The following TEK variants were observed in gnomAD, a reference collection of about 807,000 sequenced individuals.
TEK encodes the protein angiopoietin-1 receptor.
A neutral mutation model predicts 131.8 loss-of-function variants in TEK; 43 were observed. The ratio of observed to expected loss-of-function variants is 0.33; its 90% CI spans 0.26 to 0.42. TEK has a LOEUF of 0.42. TEK is among the 10% of genes least tolerant of loss of function. TEK has a pLI of 1.00. For missense variants in TEK, 1,162 were observed against 1,384.4 expected, an observed-to-expected ratio of 0.84 and a Z score of 2.55; for synonymous variants, 580 against 491.6, an observed-to-expected ratio of 1.18 and a Z score of -2.38.
intron 4 of TEK, among the ~76,000 whole-genome samples, chr9:27,171,835 C>T (rs1198654524): frequency 6.6e-6 from 1 of 152,128 alleles, no homozygotes; most frequent in African/African-American, 2.4e-5. Flanking sequence ...AAGTGACATC[C>T]CCTTTTATTC....
chr9:27,209,156 G>A lies in TEK; in HGVS notation c.2611G>A (p.Gly871Arg). ...CAAAGATGATCACAGGGACTTTGCA[G>A]GAGAACTGGAAGTTCTTTGTAAACT... ...ASKDDHRDFAGELEVLCKLGH... is the reference protein window; with the variant it reads ...ASKDDHRDFARELEVLCKLGH... Residue 871 changes from glycine to arginine, a missense_variant, in exon 16 of 23, where the codon GGA becomes AGA. Coordinates refer to ENST00000380036, the MANE Select transcript of TEK (RefSeq NM_000459.5). 7.4e-6 allele frequency: 12 copies of A among 1,613,894 alleles called. No individual in the cohort carries two copies. The highest frequency in any genetic ancestry group is 1.0e-5 in the Non-Finnish European group (12 of 1,179,800).
intron 1 of TEK, among the ~76,000 whole-genome samples, chr9:27,148,980 T>A (rs1291317487): frequency 6.6e-6 from 1 of 152,220 alleles, no homozygotes; most frequent in Non-Finnish European, 1.5e-5. Context: ...ATGGCCAGAA[T>A]GTAAGCTTTT....
chr9:27,114,833 G>T (rs1254629546), intron 1 of TEK, among the ~76,000 whole-genome samples: 1 of 152,156 alleles, frequency 6.6e-6, no homozygotes, highest in Non-Finnish European at 1.5e-5. Context: ...TTGTATGATT[G>T]TTGAATATTA....
rs768915163 is a variant in TEK, at chr9:27,158,115, A to G, written c.337A>G (p.Ile113Val). The change falls in exon 2 of 23, where the codon ATA becomes GTA. Residue 113 changes from isoleucine to valine, a missense_variant. Transcript: ENST00000380036. ...EGRVRGEAIRIRTMKMRQQAS... is the reference protein window; with the variant it reads ...EGRVRGEAIRVRTMKMRQQAS... ...GCGAGTTCGAGGAGAGGCAATCAGG[A>G]TACGAACCATGAAGATGCGTCAACA... 5.9e-5 allele frequency: 96 copies of G among 1,614,202 alleles called. No homozygotes were observed. The highest frequency in any genetic ancestry group is 7.9e-5 in the Non-Finnish European group (93 of 1,180,024).
intron 1 of TEK, among the ~76,000 whole-genome samples, chr9:27,156,104 G>T (rs1019194124): frequency 1.3e-5 from 2 of 152,008 alleles, no homozygotes; most frequent in South Asian, 2.1e-4. Flanking sequence ...TGCCTGGCCC[G>T]CACTTTCATT....
intron 1 of TEK, among the ~76,000 whole-genome samples, chr9:27,119,749 C>G (rs1316648390): frequency 1.3e-5 from 2 of 152,178 alleles, no homozygotes; most frequent in Non-Finnish European, 2.9e-5. Flanking sequence ...GATGATCTGT[C>G]ATTTGAAGGT....
intron 18 of TEK, among the ~76,000 whole-genome samples, chr9:27,215,995 G>C (rs1243554677): frequency 6.6e-6 from 1 of 152,162 alleles, no homozygotes; most frequent in Non-Finnish European, 1.5e-5. Flanking sequence ...ACCCCTAGAG[G>C]AAAAGGAAAG....
intron 1 of TEK, among the ~76,000 whole-genome samples, chr9:27,156,751 GAT>G (rs1449728227): frequency 2.0e-5 from 3 of 152,126 alleles, no homozygotes; most frequent in Non-Finnish European, 2.9e-5. Flanking sequence ...TATTCAATAA[GAT>G]AACATGTAGC....
At chr9:27,182,048 G>C (rs1258745049) in intron 7 of TEK, among the ~76,000 whole-genome samples, 1 of 152,164 alleles carries the variant, frequency 6.6e-6, no homozygotes, top group African/African-American at 2.4e-5. Context: ...GCAGGAATCA[G>C]GGAGTGGTTA....
chr9:27,210,134 A>G (rs984946881), intron 16 of TEK, among the ~76,000 whole-genome samples: 6 of 152,258 alleles, frequency 3.9e-5, no homozygotes, highest in African/African-American at 1.4e-4. Flanking sequence ...CTATGATCCA[A>G]TAAGGGTGTA....
intron 1 of TEK, among the ~76,000 whole-genome samples, chr9:27,149,654 CA>C (rs1458023894): frequency 5.3e-5 from 8 of 152,280 alleles, no homozygotes; most frequent in African/African-American, 1.9e-4. Flanking sequence ...CCTCTTTGTG[CA>C]GGCAAGTCAG....
intron 12 of TEK, among the ~76,000 whole-genome samples, chr9:27,197,889 T>C (rs769763233): frequency 1.2e-4 from 18 of 152,156 alleles, no homozygotes; most frequent in Non-Finnish European, 1.8e-4. Context: ...GTTGAACCAT[T>C]TATGGGGTAG....
At chr9:27,190,739 A>G (rs760547963) in intron 10 of TEK, 49 bp downstream of exon 10, 1 of 1,609,554 alleles carries the variant, frequency 6.2e-7, no homozygotes, top group Admixed American at 1.7e-5. Context: ...GCACCAGGAG[A>G]ATTATTTTTC....
At chr9:27,182,695 T>C (rs1824432806) in intron 7 of TEK, among the ~76,000 whole-genome samples, 1 of 152,196 alleles carries the variant, frequency 6.6e-6, no homozygotes, top group African/African-American at 2.4e-5. Flanking sequence ...AGTCCACAGT[T>C]CCCTGAGTCC....
intron 6 of TEK, 72 bp downstream of exon 6, chr9:27,173,434 A>G (rs1564075980): frequency 8.8e-6 from 14 of 1,597,880 alleles, no homozygotes; most frequent in Admixed American, 6.7e-5. Context: ...TTTGCTGTCA[A>G]TCACAACATC....
intron 5 of TEK, 59 bp from the exon 6 acceptor site, chr9:27,173,163 T>A (rs1297520449): frequency 6.2e-7 from 1 of 1,601,752 alleles, no homozygotes; most frequent in Non-Finnish European, 8.5e-7. Flanking sequence ...TCTAAAGAAT[T>A]ATGTATTTCA....
intron 21 of TEK, among the ~76,000 whole-genome samples, chr9:27,225,123 G>C (rs1050204640): frequency 2.0e-5 from 3 of 152,136 alleles, no homozygotes; most frequent in Non-Finnish European, 2.9e-5. Context: ...CAAACAAATG[G>C]AAAAACATTC....
At chr9:27,159,527 C>T (rs940464241) in intron 2 of TEK, among the ~76,000 whole-genome samples, 4 of 152,080 alleles carry the variant, frequency 2.6e-5, no homozygotes, top group African/African-American at 9.7e-5. Flanking sequence ...AGTCGAGTAC[C>T]CAGGTCCAGC....
intron 9 of TEK, among the ~76,000 whole-genome samples, chr9:27,189,051 A>T (rs541595822): frequency 1.3e-5 from 2 of 152,272 alleles, no homozygotes; most frequent in African/African-American, 4.8e-5. Flanking sequence ...AGAAAAGGAA[A>T]AATTACTGAA....
Sources: allele counts gnomAD v4.1 joint callset (sites outside exome capture counted in the v4.1 genomes callset), GRCh38; gene constraint gnomAD v4.1.1; transcripts MANE v1.5; gene names NCBI Gene and HGNC (gene_info 2026-07-23, HGNC 2026-07-21).